Variants in PARD3B observed in about 807,000 individuals in gnomAD.
The protein encoded by PARD3B is par-3 family cell polarity regulator beta.
Under a neutral mutation model 130.2 loss-of-function variants are expected in PARD3B, and 103 were observed. The ratio of observed to expected loss-of-function variants is 0.79; its 90% CI spans 0.67 to 0.93. The LOEUF (loss-of-function observed/expected upper bound fraction) is 0.93, where lower values mean the gene tolerates loss of function less well. Among genes scored for constraint, PARD3B ranks in the 40% least tolerant of loss-of-function variants. The probability of loss-of-function intolerance (pLI) is 0.00; values close to 1 mark genes in which losing one functional copy is unlikely to be tolerated. For synonymous variants in PARD3B, 583 were observed against 553.2 expected, an observed-to-expected ratio of 1.05 and a Z score of -0.76; for missense variants, 1,609 against 1,499.2, an observed-to-expected ratio of 1.07 and a Z score of -1.21.
intron 15 of PARD3B, among the ~76,000 whole-genome samples, chr2:205,237,577 C>T (rs1374884958): frequency 2.0e-5 from 3 of 151,968 alleles, no homozygotes; most frequent in Non-Finnish European, 4.4e-5. Context: ...GAAAGAAGAG[C>T]TGTTTGTATG....
intron 3 of PARD3B, among the ~76,000 whole-genome samples, chr2:205,028,083 G>T (rs573705151): frequency 6.6e-6 from 1 of 151,966 alleles, no homozygotes; most frequent in African/African-American, 2.4e-5. Flanking sequence ...TGAATTTTAG[G>T]GTTTTTTTCT....
intron 18 of PARD3B, among the ~76,000 whole-genome samples, chr2:205,383,645 A>G (rs1271280422): frequency 6.6e-6 from 1 of 152,022 alleles, no homozygotes; most frequent in African/African-American, 2.4e-5. Flanking sequence ...TGTTGTATAC[A>G]GTTCTATGGG....
intron 22 of PARD3B, among the ~76,000 whole-genome samples, chr2:205,599,132 C>T (rs1448364929): frequency 6.6e-6 from 1 of 151,960 alleles, no homozygotes; most frequent in Non-Finnish European, 1.5e-5. Context: ...CAGAACTGAA[C>T]CAAATGGAGA....
At chr2:205,186,122 C>G (rs2036085567) in intron 14 of PARD3B, among the ~76,000 whole-genome samples, 1 of 152,062 alleles carries the variant, frequency 6.6e-6, no homozygotes, top group Non-Finnish European at 1.5e-5. Flanking sequence ...GTTGAACTTT[C>G]ATTTACAAAT....
At chr2:205,588,238 A>G (rs1420581120) in intron 22 of PARD3B, among the ~76,000 whole-genome samples, 1 of 152,198 alleles carries the variant, frequency 6.6e-6, no homozygotes, top group Non-Finnish European at 1.5e-5. Flanking sequence ...ATTCTTTTTT[A>G]GTACTTTGTA....
chr2:204,608,768 T>C (rs2033821763), intron 1 of PARD3B, among the ~76,000 whole-genome samples: 1 of 152,220 alleles, frequency 6.6e-6, no homozygotes. Flanking sequence ...ACAAGACTTC[T>C]ATGCTTTTGC....
chr2:205,152,696 C>T (rs1158777002), intron 10 of PARD3B, among the ~76,000 whole-genome samples: 2 of 152,094 alleles, frequency 1.3e-5, no homozygotes, highest in African/African-American at 2.4e-5. Flanking sequence ...GCAATGGGTT[C>T]GAATATCCTC....
At chr2:204,785,389 A>C (rs1436271561) in intron 2 of PARD3B, among the ~76,000 whole-genome samples, 1 of 152,110 alleles carries the variant, frequency 6.6e-6, no homozygotes, top group African/African-American at 2.4e-5. Context: ...CAGCTGAATT[A>C]TGTGCCAGCC....
rs991695095 is a variant in PARD3B, at chr2:205,091,142, A to G, written c.505-13284A>G. Among the ~76,000 whole-genome samples, 3 of 152,206 alleles carry G rather than the reference A, an allele frequency of 2.0e-5. No homozygotes were observed. The highest frequency in any genetic ancestry group is 7.2e-5 in the African/African-American group (3 of 41,450). ...TAATTGTCTATGCAGGGTTAGCGGA[A>G]GAGATTTAAGCATTAGAGGCTGAAG... On this transcript the variant is annotated intron_variant, in intron 4 of 22. Coordinates refer to ENST00000406610, the MANE Select transcript of PARD3B (RefSeq NM_001302769.2). This position sits in a 1 kb window ranked among gnomAD's most constrained non-coding sequence, Gnocchi z 4.2.
At chr2:204,771,771 C>T (rs546346128) in intron 2 of PARD3B, among the ~76,000 whole-genome samples, 1 of 152,094 alleles carries the variant, frequency 6.6e-6, no homozygotes, top group African/African-American at 2.4e-5. Flanking sequence ...TATTATTATA[C>T]TTTGTTGCTT....
chr2:205,197,032 GGTGTGT>G (rs1220147246), intron 15 of PARD3B, among the ~76,000 whole-genome samples: 3 of 55,258 alleles, frequency 5.4e-5, no homozygotes, highest in East Asian at 6.6e-4. Context: ...GTGGGGGGGG[GGTGTGT>G]GTGTGTGTGT....
chr2:204,645,486 A>T (rs191156612), intron 1 of PARD3B, among the ~76,000 whole-genome samples: 26 of 152,270 alleles, frequency 1.7e-4, no homozygotes, highest in African/African-American at 6.3e-4. Flanking sequence ...CTTAGGCAAC[A>T]ATCTGTACTT....
intron 12 of PARD3B, among the ~76,000 whole-genome samples, chr2:205,173,564 A>G (rs947056968): frequency 2.6e-4 from 39 of 152,322 alleles, no homozygotes; most frequent in African/African-American, 8.7e-4. Flanking sequence ...CTTGAGTAGT[A>G]AAGTTATATA....
At position 204,691,896 on chromosome 2, in the gene PARD3B, TA is replaced by T. The variant is rs1406441605; in HGVS notation, c.222+5615del. Among the ~76,000 whole-genome samples the T allele has an allele frequency of 4.6e-5, 7 of 152,270 alleles. No individual in the cohort carries two copies. In the East Asian group the frequency reaches 1.4e-3, roughly 29 times the overall value. ...CAGAACATTTGGATTAATATATTGT[TA>T]TTATTTGCGAAATGAAAATGCCAGT... is the stretch of plus-strand genomic sequence containing the variant. On this transcript the variant is annotated intron_variant, in intron 2 of 22. Coordinates refer to ENST00000406610, the MANE Select transcript of PARD3B (RefSeq NM_001302769.2).
chr2:204,680,645 G>T (rs917187467), intron 1 of PARD3B, among the ~76,000 whole-genome samples: 3 of 151,696 alleles, frequency 2.0e-5, no homozygotes, highest in Non-Finnish European at 4.4e-5. Context: ...GTGCATTAAA[G>T]ACCATAACTG....
chr2:204,714,685 T>C (rs2038636857), intron 2 of PARD3B, among the ~76,000 whole-genome samples: 1 of 152,208 alleles, frequency 6.6e-6, no homozygotes, highest in Admixed American at 6.5e-5. Context: ...GAACACCTTA[T>C]TCTAATGTCT....
chr2:204,655,528 T>A (rs1482821917), intron 1 of PARD3B, among the ~76,000 whole-genome samples: 1 of 152,192 alleles, frequency 6.6e-6, no homozygotes, highest in South Asian at 2.1e-4. Flanking sequence ...TTAGAATGTT[T>A]TCTGAAATTA....
At chr2:205,438,935 A>G (rs981440139) in intron 19 of PARD3B, among the ~76,000 whole-genome samples, 3 of 152,086 alleles carry the variant, frequency 2.0e-5, no homozygotes, top group Admixed American at 2.0e-4. Context: ...TTTTGGTCTC[A>G]TGCCTTCTTA....
chr2:205,309,120 C>T lies in PARD3B; in HGVS notation c.2630+7419C>T, dbSNP rs1324729000. Among the ~76,000 whole-genome samples the T allele has an allele frequency of 3.3e-5, 5 of 152,134 alleles. No homozygotes were observed. Among genetic ancestry groups the T allele is most frequent in the Non-Finnish European group, 5.9e-5 (4 of 68,022 alleles). ...GGGAAGGTTATTTTTAAACCAACTC[C>T]ACATAGAGCTATAACAAAAAACTAA... is the stretch of plus-strand genomic sequence containing the variant. On this transcript the variant is annotated intron_variant, in intron 18 of 22. Coordinates refer to ENST00000406610, the MANE Select transcript of PARD3B (RefSeq NM_001302769.2). This position sits in a 1 kb window ranked among gnomAD's most constrained non-coding sequence, Gnocchi z 4.7.
Sources: allele counts gnomAD v4.1 joint callset (sites outside exome capture counted in the v4.1 genomes callset), GRCh38; gene constraint gnomAD v4.1.1; non-coding constraint Gnocchi (gnomAD v3.1); transcripts MANE v1.5; gene names NCBI Gene and HGNC (gene_info 2026-07-23, HGNC 2026-07-21).